Variants in DYNC2I1 observed in about 807,000 individuals in gnomAD.
The protein encoded by DYNC2I1 is dynein 2 intermediate chain 1.
Under a neutral mutation model 133.4 loss-of-function variants are expected in DYNC2I1, and 89 were observed. That is an observed-to-expected ratio of 0.67 (90% CI 0.56 to 0.80). The LOEUF is 0.80. Among genes scored for constraint, DYNC2I1 ranks in the 30% least tolerant of loss-of-function variants. The probability of loss-of-function intolerance (pLI) is 0.00; values close to 1 mark genes in which losing one functional copy is unlikely to be tolerated. For missense variants in DYNC2I1, 1,291 were observed against 1,314.5 expected (o/e 0.98, Z 0.28); for synonymous variants, 504 against 484.3 (o/e 1.04, Z -0.54).
chr7:158,894,897 A>G (rs1425294029), intron 8 of DYNC2I1, among the ~76,000 whole-genome samples: 1 of 152,104 alleles, frequency 6.6e-6, no homozygotes, highest in Non-Finnish European at 1.5e-5. Flanking sequence ...CGTCCTTTTA[A>G]TTTGCATTTT....
intron 16 of DYNC2I1, among the ~76,000 whole-genome samples, chr7:158,923,094 G>T (rs1849257124): frequency 6.6e-6 from 1 of 152,204 alleles, no homozygotes; most frequent in East Asian, 1.9e-4. Context: ...GGTCAGGGCT[G>T]CCTCTCTTAT....
intron 5 of DYNC2I1, among the ~76,000 whole-genome samples, chr7:158,884,363 T>C (rs1036598465): frequency 1.3e-5 from 2 of 152,224 alleles, no homozygotes; most frequent in African/African-American, 2.4e-5. Flanking sequence ...CTTTTATATA[T>C]ACTTTTATCC....
intron 24 of DYNC2I1, among the ~76,000 whole-genome samples, chr7:158,944,679 A>C (rs1465864905): frequency 6.6e-6 from 1 of 151,932 alleles, no homozygotes; most frequent in Admixed American, 6.6e-5. Context: ...GTTGGATGTG[A>C]TTTTCACCCC....
intron 13 of DYNC2I1, among the ~76,000 whole-genome samples, chr7:158,913,854 G>A (rs1322865857): frequency 6.6e-6 from 1 of 152,106 alleles, no homozygotes; most frequent in African/African-American, 2.4e-5. Context: ...GACTACAAGC[G>A]CCTGCTATCA....
At chr7:158,851,264 G>C in the DYNC2I1 span, among the ~76,000 whole-genome samples, 1 of 152,252 alleles carries the variant, frequency 6.6e-6, no homozygotes, top group East Asian at 1.9e-4. Context: ...TGGGCGCAGT[G>C]GTTCATGCCT....
At chr7:158,934,345 T>G (rs1850536144) in intron 22 of DYNC2I1, 73 bp from the exon 23 acceptor site, 1 of 1,551,296 alleles carries the variant, frequency 6.4e-7, no homozygotes, top group African/African-American at 1.4e-5. Context: ...TTAAATTGTT[T>G]GAGGAACAGT....
intron 14 of DYNC2I1, among the ~76,000 whole-genome samples, chr7:158,914,731 G>T (rs927489961): frequency 6.6e-6 from 1 of 152,164 alleles, no homozygotes; most frequent in African/African-American, 2.4e-5. Flanking sequence ...ACATGGAACA[G>T]TCCTGTGAAG....
chr7:158,916,440 G>C (rs77364864), intron 14 of DYNC2I1, among the ~76,000 whole-genome samples: 14 of 59,504 alleles, frequency 2.4e-4, no homozygotes, highest in Admixed American at 6.9e-4. Context: ...ATTGTGAAAC[G>C]TCGACACGCT....
the DYNC2I1 span, among the ~76,000 whole-genome samples, chr7:158,849,687 G>T: frequency 1.3e-5 from 2 of 152,158 alleles, no homozygotes; most frequent in Non-Finnish European, 2.9e-5. Context: ...AGCTCTCAGC[G>T]GAGAGGAGGC....
chr7:158,898,860 G>A (rs955344144), intron 8 of DYNC2I1, among the ~76,000 whole-genome samples: 16 of 149,336 alleles, frequency 1.1e-4, no homozygotes, highest in African/African-American at 3.4e-4. Flanking sequence ...TAGCATATCA[G>A]TTAAAGGTTG....
chr7:158,840,758 T>G, the DYNC2I1 span, among the ~76,000 whole-genome samples: 1 of 152,142 alleles, frequency 6.6e-6, no homozygotes, highest in East Asian at 1.9e-4. Flanking sequence ...GGGCTGACCC[T>G]CCAGAGACTA....
At chr7:158,864,188 C>A (rs1842197876) in intron 1 of DYNC2I1, among the ~76,000 whole-genome samples, 1 of 152,038 alleles carries the variant, frequency 6.6e-6, no homozygotes, top group Admixed American at 6.6e-5. Flanking sequence ...TGTCACATTT[C>A]AGTGGCTCTG....
At chr7:158,905,849 AT>A (rs773447187) in intron 10 of DYNC2I1, 139 bp from the exon 11 acceptor site, 6 of 654,624 alleles carry the variant, frequency 9.2e-6, no homozygotes, top group Non-Finnish European at 1.5e-5. Context: ...TCAAATGCTT[AT>A]GAAAGATGTT....
chr7:158,918,086 T>C (rs1319389795), intron 14 of DYNC2I1, among the ~76,000 whole-genome samples: 1 of 152,106 alleles, frequency 6.6e-6, no homozygotes, highest in Non-Finnish European at 1.5e-5. Flanking sequence ...CACTTCTCAC[T>C]CAGTATTCCC....
At chr7:158,950,751 T>A (rs2730212), downstream of DYNC2I1, among the ~76,000 whole-genome samples, 1 of 107,140 alleles carries the variant, frequency 9.3e-6, no homozygotes, top group African/African-American at 3.6e-5. Context: ...ATATACTGCA[T>A]GGGGACCAGC....
intron 1 of DYNC2I1, among the ~76,000 whole-genome samples, chr7:158,865,511 A>T (rs986063494): frequency 6.6e-6 from 1 of 152,198 alleles, no homozygotes; most frequent in Non-Finnish European, 1.5e-5. Flanking sequence ...TTTGCTTGCC[A>T]TGTGCATGAA....
At chr7:158,937,922 A>G (rs1400089864) in intron 23 of DYNC2I1, among the ~76,000 whole-genome samples, 1 of 152,114 alleles carries the variant, frequency 6.6e-6, no homozygotes, top group Non-Finnish European at 1.5e-5. Flanking sequence ...GAAAGGAAAT[A>G]TATAATCAGA....
In DYNC2I1 at chr7:158,880,007, T is replaced by C. The variant is rs1415540409; in HGVS notation, c.879+18T>C. 6.4e-7 allele frequency: 1 copy of C among 1,565,396 alleles called. No homozygotes were observed. The highest frequency in any genetic ancestry group is 2.2e-5 in the East Asian group (1 of 44,612). On this transcript the variant is annotated intron_variant, in intron 5 of 24. Coordinates refer to ENST00000407559, the MANE Select transcript of DYNC2I1 (RefSeq NM_018051.5). ...AATCCCAGGTACCCCTTCTGATGCTTCGTTGCCTTAGCAGCCGCCCCGAGG... is the reference window on the plus strand; with the variant it reads ...AATCCCAGGTACCCCTTCTGATGCTCCGTTGCCTTAGCAGCCGCCCCGAGG...
chr7:158,922,326 C>G (rs938402939), intron 15 of DYNC2I1, 51 bp from the exon 16 acceptor site: 1 of 1,567,342 alleles, frequency 6.4e-7, no homozygotes, highest in Admixed American at 1.8e-5. Context: ...TTAAATTTAA[C>G]TTGGATTCTG....
Sources: gnomAD v4.1 joint callset for allele counts (sites outside exome capture counted in the v4.1 genomes callset) on GRCh38, gnomAD v4.1.1 for gene constraint, MANE v1.5 for transcripts, NCBI Gene and HGNC (gene_info 2026-07-23, HGNC 2026-07-21) for gene names.